The following C2 variants were observed in gnomAD, a reference collection of about 807,000 sequenced individuals.
C2 encodes C3/C5 convertase.
C2 carries 64 observed loss-of-function variants against 85.2 expected under a neutral mutation model. The ratio of observed to expected loss-of-function variants is 0.75; its 90% CI spans 0.61 to 0.92. C2 has a LOEUF of 0.92. C2 is among the 40% of genes least tolerant of loss of function. The probability of loss-of-function intolerance (pLI) is 0.00; values close to 1 mark genes in which losing one functional copy is unlikely to be tolerated. For missense variants in C2, 820 were observed against 971.6 expected (o/e 0.84, Z 2.07); for synonymous variants, 311 against 370.8 (o/e 0.84, Z 1.85).
chr6:31,901,421 C>T, intron 1 of C2: 2 of 1,134,720 alleles, frequency 1.8e-6, no homozygotes, highest in East Asian at 2.6e-5. Flanking sequence ...AGCCCCCCGG[C>T]ATCCGATCTC....
Position 31,944,876 on chromosome 6 carries a change from A to G in C2, c.2029+23A>G. 6.2e-7 allele frequency: 1 copy of G among 1,613,052 alleles called. No homozygotes were observed. Among genetic ancestry groups the G allele is most frequent in the Non-Finnish European group, 8.5e-7 (1 of 1,180,028 alleles). ...AGGGTGAGTCCCTCACCATGCCTGG[A>G]TTCCCAAGGGGAAGGCCACCTGTGT... On this transcript the variant is annotated intron_variant, in intron 16 of 17. Coordinates refer to ENST00000299367, the MANE Select transcript of C2 (RefSeq NM_000063.6). This position sits in a 1 kb window ranked among gnomAD's most constrained non-coding sequence, Gnocchi z 5.1.
chr6:31,934,274 A>C lies in C2; in HGVS notation c.824A>C (p.Glu275Ala), dbSNP rs1004630260. 1 of 1,614,086 alleles carries C rather than the reference A, an allele frequency of 6.2e-7. No individual in the cohort carries two copies. Among genetic ancestry groups the C allele is most frequent in the Non-Finnish European group, 8.5e-7 (1 of 1,179,990 alleles). Residue 275 changes from glutamate (E) to alanine (A), a missense_variant, in exon 6 of 18, where the codon GAG (glutamate) becomes GCG (alanine). Transcript: ENST00000299367. ...GAAAATGACTTTCTCATCTTCAAGG[A>C]GAGCGCCTCCCTCATGGTGGACAGG... Reference protein sequence around the residue: ...VSENDFLIFKESASLMVDRIF... With the variant: ...VSENDFLIFKASASLMVDRIF...
Position 31,945,507 on chromosome 6 carries a change from G to A in C2, c.*150G>A. 1 of 773,824 alleles carries A rather than the reference G, an allele frequency of 1.3e-6. No individual in the cohort carries two copies. The allele number at this position is 773,824 out of a possible 1,614,324, so 47.9% of individuals were successfully genotyped here. On this transcript the variant is annotated 3_prime_UTR_variant, in exon 18 of 18. Coordinates refer to ENST00000299367, the MANE Select transcript of C2 (RefSeq NM_000063.6). This position sits in a 1 kb window ranked among gnomAD's most constrained non-coding sequence, Gnocchi z 5.3. Reference sequence around the variant, plus strand: ...AGGATGCCAGAGGCAGCGCACACAAGCTGGGAAATCCTCAGGGCTCCTACC... The same window carrying A: ...AGGATGCCAGAGGCAGCGCACACAAACTGGGAAATCCTCAGGGCTCCTACC...
chr6:31,907,677 T>C (rs1305444843), intron 1 of C2, among the ~76,000 whole-genome samples: 2 of 150,706 alleles, frequency 1.3e-5, no homozygotes. Flanking sequence ...CTTCCTGGAC[T>C]AATTTATTTA....
rs757946700 is a variant in C2 at position 31,935,462 on chromosome 6, TTTATTA to T, written c.850-440_850-435del. 14 of 154,122 alleles carry T rather than the reference TTTATTA, an allele frequency of 9.1e-5. No homozygotes were observed. The highest frequency in any genetic ancestry group is 1.9e-4 in the South Asian group (1 of 5,314). 9.5% of individuals were successfully genotyped at this position (154,122 alleles called of 1,614,324 possible). ...TCCTTAGCTGCTGCTGTTCCTTATTTTTATTATTATTATTATTATTATTATTTTTGA... is the reference window on the plus strand; with the variant it reads ...TCCTTAGCTGCTGCTGTTCCTTATTTTTATTATTATTATTATTATTTTTGA... On this transcript the variant is annotated intron_variant, in intron 6 of 17. Coordinates refer to ENST00000299367, the MANE Select transcript of C2 (RefSeq NM_000063.6). The surrounding 1 kb of genome is among the most constrained non-coding windows in gnomAD (Gnocchi z 4.3).
At position 31,943,870 on chromosome 6, in the gene C2, A is replaced by T; in HGVS notation, c.1734-47A>T. 3 of 1,611,758 alleles carry T rather than the reference A, an allele frequency of 1.9e-6. No homozygotes were observed. The highest frequency in any genetic ancestry group is 2.5e-6 in the Non-Finnish European group (3 of 1,179,052). On this transcript the variant is annotated intron_variant, in intron 13 of 17. Transcript: ENST00000299367. This position sits in a 1 kb window ranked among gnomAD's most constrained non-coding sequence, Gnocchi z 6.4. ...GGAAGAGTGCTCTGGAGATCCCTGGAAGAGATACTGGGGACAGGCTGGTGT... is the reference window on the plus strand; with the variant it reads ...GGAAGAGTGCTCTGGAGATCCCTGGTAGAGATACTGGGGACAGGCTGGTGT...
chr6:31,925,288 A>T (rs569507531), upstream of C2, among the ~76,000 whole-genome samples: 1 of 151,842 alleles, frequency 6.6e-6, no homozygotes, highest in East Asian at 1.9e-4. Context: ...TCAGCCGAGT[A>T]TTGCGCTTTT....
upstream of C2, among the ~76,000 whole-genome samples, chr6:31,923,475 T>G (rs1038014375): frequency 6.6e-6 from 1 of 152,112 alleles, no homozygotes; most frequent in Non-Finnish European, 1.5e-5. Context: ...CCTGAGCCTC[T>G]TATTTTGTTT....
chr6:31,944,284 CTCTT>C lies in C2; in HGVS notation c.1902+59_1902+62del. 1 of 1,197,452 alleles carries C rather than the reference CTCTT, an allele frequency of 8.4e-7. No homozygotes were observed. Among genetic ancestry groups the C allele is most frequent in the Non-Finnish European group, 1.2e-6 (1 of 802,254 alleles). The allele number at this position is 1,197,452 out of a possible 1,614,324, so 74.2% of individuals were successfully genotyped here. On this transcript the variant is annotated intron_variant, in intron 15 of 17. Coordinates refer to ENST00000299367, the MANE Select transcript of C2 (RefSeq NM_000063.6). The surrounding 1 kb of genome is among the most constrained non-coding windows in gnomAD (Gnocchi z 5.1). ...CCCTGTGACAGCTCCCAGAATGTCT[CTCTT>C]CCTTCTCCAGGTCTGGCTGCTTTCT...
At chr6:31,902,382 C>A (rs970943428) in intron 1 of C2, among the ~76,000 whole-genome samples, 1 of 151,940 alleles carries the variant, frequency 6.6e-6, no homozygotes, top group African/African-American at 2.4e-5. Context: ...CCCCGCGCCC[C>A]GCCCGCGCCG....
At chr6:31,938,174 A>G (rs1337258482) in intron 8 of C2, among the ~76,000 whole-genome samples, 2 of 152,120 alleles carry the variant, frequency 1.3e-5, no homozygotes, top group African/African-American at 4.8e-5. Flanking sequence ...TCTTGTTACC[A>G]TCTGGGAGGT....
rs751593397 is a variant in C2 at position 31,937,472 on chromosome 6, G to C, written c.1129+13G>C. 1.9e-6 allele frequency: 3 copies of C among 1,612,780 alleles called. No individual in the cohort carries two copies. The South Asian group carries it at 3.3e-5, about 18-fold the overall frequency. On this transcript the variant is annotated intron_variant, in intron 8 of 17. Coordinates refer to ENST00000299367, the MANE Select transcript of C2 (RefSeq NM_000063.6). ...CTTCTGACAGATGGTGGGTATCATGGTCTCTGAGTGTGTCTGGAATAGTGG... is the reference window on the plus strand; with the variant it reads ...CTTCTGACAGATGGTGGGTATCATGCTCTCTGAGTGTGTCTGGAATAGTGG...
At chr6:31,928,585 A>G in intron 2 of C2, 147 bp from the exon 3 acceptor site, 2 of 787,516 alleles carry the variant, frequency 2.5e-6, no homozygotes, top group Non-Finnish European at 4.1e-6. Context: ...AAAAACAGCA[A>G]TTTCACATGT....
chr6:31,937,184 G>T, intron 7 of C2, 135 bp from the exon 8 acceptor site: 1 of 837,964 alleles, frequency 1.2e-6, no homozygotes. Flanking sequence ...ACTCTAGCCT[G>T]GGTGGCAGAG....
Position 31,908,847 on chromosome 6 carries a change from T to G in C2, c.73+7708T>G, listed in dbSNP as rs562850341. Among the ~76,000 whole-genome samples the G allele has an allele frequency of 1.4e-4, 22 of 152,068 alleles. 1 individual carries two copies. Among genetic ancestry groups the G allele is most frequent in the Admixed American group, 7.2e-4 (11 of 15,248 alleles). ...TTTAAAATTAAGGTTACATACATTGTTTTTAGACGTATGCTATTGCACACT... is the reference window on the plus strand; with the variant it reads ...TTTAAAATTAAGGTTACATACATTGGTTTTAGACGTATGCTATTGCACACT... On this transcript the variant is annotated intron_variant, in intron 1 of 3. Transcript: ENST00000452202.
chr6:31,923,492 T>A (rs1280406721), upstream of C2, among the ~76,000 whole-genome samples: 2 of 152,148 alleles, frequency 1.3e-5, no homozygotes, highest in Non-Finnish European at 2.9e-5. Flanking sequence ...GTTTTTATTT[T>A]TTTTTTGTTG....
In C2 at chr6:31,945,101, T is replaced by C. The variant is rs953452953; in HGVS notation, c.2079+72T>C. 1 of 1,609,728 alleles carries C rather than the reference T, an allele frequency of 6.2e-7. No individual in the cohort carries two copies. Among genetic ancestry groups the C allele is most frequent in the South Asian group, 1.1e-5 (1 of 91,010 alleles). ...CCTTGTTGGGGGGATGAGGGAGGCC[T>C]TTGAGGGATCTAGGGAGGTTGGGGC... On this transcript the variant is annotated intron_variant, in intron 17 of 17. Coordinates refer to ENST00000299367, the MANE Select transcript of C2 (RefSeq NM_000063.6). This position sits in a 1 kb window ranked among gnomAD's most constrained non-coding sequence, Gnocchi z 5.3.
At position 31,943,045 on chromosome 6, in the gene C2, G is replaced by A. The variant is rs769100373; in HGVS notation, c.1306G>A (p.Ala436Thr). The stretch of plus-strand genomic sequence containing the variant: ...GTCCAAGAAGGATGGTGAGAGGCAT[G>A]CCTTCATTCTGCAGGACACAAAGGC... ...LGSKKDGERH[A>T]FILQDTKALH... The change falls in exon 10 of 18, where the codon GCC becomes ACC. Residue 436 changes from alanine (A) to threonine (T), a missense_variant. Transcript: ENST00000299367. This position sits in a 1 kb window ranked among gnomAD's most constrained non-coding sequence, Gnocchi z 6.4. The A allele has an allele frequency of 6.2e-7, 1 of 1,613,098 alleles. No individual in the cohort carries two copies. Among genetic ancestry groups the A allele is most frequent in the East Asian group, 2.2e-5 (1 of 44,884 alleles).
chr6:31,919,084 T>A (rs919565686), upstream of C2, among the ~76,000 whole-genome samples: 2 of 151,994 alleles, frequency 1.3e-5, no homozygotes, highest in African/African-American at 2.4e-5. Context: ...TGCAGAGAGA[T>A]TGTATCAGGG....
Sources: allele counts gnomAD v4.1 joint callset (sites outside exome capture counted in the v4.1 genomes callset), GRCh38; gene constraint gnomAD v4.1.1; non-coding constraint Gnocchi (gnomAD v3.1); transcripts MANE v1.5; gene names NCBI Gene and HGNC (gene_info 2026-07-23, HGNC 2026-07-21).